Variants in PGAP2 observed in about 807,000 individuals in gnomAD.
PGAP2 encodes acyltransferase PGAP2.
A neutral mutation model predicts 33.2 loss-of-function variants in PGAP2; 21 were observed. That is an observed-to-expected ratio of 0.63 (90% CI 0.45 to 0.91). The LOEUF is 0.91. PGAP2 is among the 40% of genes least tolerant of loss of function. The pLI, the probability that PGAP2 is intolerant of heterozygous loss-of-function variation, is 0.00. For synonymous variants in PGAP2, 161 were observed against 172.9 expected, an observed-to-expected ratio of 0.93 and a Z score of 0.54; for missense variants, 345 against 424.0, an observed-to-expected ratio of 0.81 and a Z score of 1.64.
At chr11:3,814,945 CT>C (rs1169772469) in intron 2 of PGAP2, among the ~76,000 whole-genome samples, 1 of 120,694 alleles carries the variant, frequency 8.3e-6, no homozygotes, top group Non-Finnish European at 1.7e-5. Flanking sequence ...CCTTTCTTTT[CT>C]TTTCTTTTTG....
intron 1 of PGAP2, among the ~76,000 whole-genome samples, chr11:3,802,057 T>C (rs2083532353): frequency 6.8e-6 from 1 of 147,566 alleles, no homozygotes; most frequent in Admixed American, 7.1e-5. Flanking sequence ...CTTTTTTTCT[T>C]TTATTTCTTT....
At chr11:3,798,246 G>C in intron 1 of PGAP2, 2 of 825,952 alleles carry the variant, frequency 2.4e-6, no homozygotes, top group Non-Finnish European at 3.4e-6. Flanking sequence ...GATGCCCTAA[G>C]GGACTGGCCC....
Position 3,825,239 on chromosome 11 carries a change from G to A in PGAP2, c.818-89G>A. On this transcript the variant is annotated intron_variant, in intron 6 of 6. Coordinates refer to ENST00000278243, the MANE Select transcript of PGAP2 (RefSeq NM_014489.4). ...ACTGGCTGCCATTGTGTTCTCTGTG[G>A]CAGACCAATGGTGGTGTGATTTATC... 3 of 1,555,668 alleles carry A rather than the reference G, an allele frequency of 1.9e-6. No individual in the cohort carries two copies. The South Asian group carries it at 3.4e-5, about 18-fold the overall frequency.
Position 3,824,709 on chromosome 11 carries a change from T to C in PGAP2, c.709-311T>C, listed in dbSNP as rs113089182. 5.1e-4 allele frequency: 526 copies of C among 1,027,022 alleles called. 4 individuals are homozygous for C. The African/African-American group carries it at 7.7e-3, about 15-fold the overall frequency. The allele number at this position is 1,027,022 out of a possible 1,614,324, so 63.6% of individuals were successfully genotyped here. On this transcript the variant is annotated intron_variant, in intron 5 of 6. Transcript: ENST00000278243. ...TGTCATAATTCCAGCGCCCCACCCATGTACATGGGTTTCTTTTCCCCCACA... is the reference window on the plus strand; with the variant it reads ...TGTCATAATTCCAGCGCCCCACCCACGTACATGGGTTTCTTTTCCCCCACA...
At chr11:3,821,931 AG>A (rs1469162762) in intron 3 of PGAP2, among the ~76,000 whole-genome samples, 2 of 150,568 alleles carry the variant, frequency 1.3e-5, no homozygotes, top group South Asian at 2.1e-4. Flanking sequence ...AAAATTAGCC[AG>A]GCATGGTGGT....
intron 5 of PGAP2, 57 bp downstream of exon 5, chr11:3,824,433 C>A: frequency 6.2e-7 from 1 of 1,613,740 alleles, no homozygotes; most frequent in Non-Finnish European, 8.5e-7. Context: ...TCAAGGACAT[C>A]TGTCCTCAGG....
chr11:3,798,270 G>A (rs1415509037), intron 1 of PGAP2, among the ~76,000 whole-genome samples: 4 of 152,226 alleles, frequency 2.6e-5, no homozygotes, highest in African/African-American at 9.6e-5. Flanking sequence ...AAAGGGCCTG[G>A]TACAAATGAG....
At chr11:3,814,412 A>G (rs1028977240) in intron 2 of PGAP2, among the ~76,000 whole-genome samples, 2 of 151,962 alleles carry the variant, frequency 1.3e-5, no homozygotes, top group African/African-American at 4.8e-5. Flanking sequence ...GCCCGCCACC[A>G]CACCTGGCTA....
rs1375222697 is a variant in PGAP2 at position 3,825,926 on chromosome 11, A to G, written c.*468A>G. On this transcript the variant is annotated 3_prime_UTR_variant, in exon 7 of 7. Coordinates refer to ENST00000278243, the MANE Select transcript of PGAP2 (RefSeq NM_014489.4). ...AGGCCTGTGGCCACAGTCCCCTGCT[A>G]AAGTTGCTCAGGTGTTCTAGTCCTG... is the stretch of plus-strand genomic sequence containing the variant. The G allele has an allele frequency of 6.2e-6, 1 of 161,442 alleles. No individual in the cohort carries two copies. The highest frequency in any genetic ancestry group is 1.8e-4 in the East Asian group (1 of 5,480). 10.0% of individuals were successfully genotyped at this position (161,442 alleles called of 1,614,324 possible). A position where few individuals can be genotyped will look rare whatever the true frequency, so the allele number is the denominator to read the frequency against.
upstream of PGAP2, among the ~76,000 whole-genome samples, chr11:3,806,257 A>T (rs1256242151): frequency 6.6e-6 from 1 of 151,954 alleles, no homozygotes; most frequent in Non-Finnish European, 1.5e-5. Flanking sequence ...TTGGAGCTAG[A>T]CAAAGAGGAT....
chr11:3,810,277 AAGT>A (rs1466303460), intron 1 of PGAP2, among the ~76,000 whole-genome samples: 1 of 152,028 alleles, frequency 6.6e-6, no homozygotes, highest in East Asian at 1.9e-4. Flanking sequence ...GACCTTTCTC[AAGT>A]TCAGACACAG....
At chr11:3,808,192 A>T (rs1335644064), upstream of PGAP2, 1 of 1,492,378 alleles carries the variant, frequency 6.7e-7, no homozygotes, top group Non-Finnish European at 9.1e-7. Context: ...CAGAAGGGCG[A>T]GGCTGGATAG....
chr11:3,821,720 T>C (rs2134917776), intron 3 of PGAP2, among the ~76,000 whole-genome samples: 1 of 149,886 alleles, frequency 6.7e-6, no homozygotes, highest in South Asian at 2.1e-4. Context: ...ATTGCGCCAC[T>C]GCACTCCAAC....
chr11:3,825,232 C>T, intron 6 of PGAP2, 96 bp from the exon 7 acceptor site: 1 of 1,555,996 alleles, frequency 6.4e-7, no homozygotes, highest in South Asian at 1.1e-5. Context: ...CCATTGTGTT[C>T]TCTGTGGCAG....
chr11:3,822,967 CA>C, intron 3 of PGAP2: 1 of 1,508,870 alleles, frequency 6.6e-7, no homozygotes, highest in Admixed American at 2.0e-5. Context: ...TGCACAAGAA[CA>C]TGGTCATTTC....
chr11:3,808,893 G>A (rs931808647), intron 1 of PGAP2, among the ~76,000 whole-genome samples: 6 of 152,186 alleles, frequency 3.9e-5, no homozygotes, highest in Non-Finnish European at 7.3e-5. Context: ...TATTCCGCGG[G>A]GCCTCCTGGT....
upstream of PGAP2, among the ~76,000 whole-genome samples, chr11:3,803,854 G>A (rs1250043591): frequency 4.0e-5 from 6 of 151,178 alleles, no homozygotes; most frequent in East Asian, 5.9e-4. Flanking sequence ...GCAGTGGTGC[G>A]ATCATGACTC....
At chr11:3,808,504 C>T, upstream of PGAP2, 2 of 1,403,510 alleles carry the variant, frequency 1.4e-6, no homozygotes, top group South Asian at 3.1e-5. Context: ...AGCGGAGGAT[C>T]TGGGCGCAGT....
chr11:3,819,768 G>A (rs1319806768), intron 3 of PGAP2, among the ~76,000 whole-genome samples: 3 of 152,074 alleles, frequency 2.0e-5, no homozygotes, highest in African/African-American at 7.2e-5. Flanking sequence ...TGGTGCAGTC[G>A]ATGAGTGGGG....
Sources: gnomAD v4.1 joint callset for allele counts (sites outside exome capture counted in the v4.1 genomes callset) on GRCh38, gnomAD v4.1.1 for gene constraint, MANE v1.5 for transcripts, NCBI Gene and HGNC (gene_info 2026-07-23, HGNC 2026-07-21) for gene names.